IQSEC1: variants seen among roughly 807,000 people sequenced by gnomAD.
The protein encoded by IQSEC1 is IQ motif and SEC7 domain-containing protein 1.
IQSEC1 carries 31 observed loss-of-function variants against 91.0 expected under a neutral mutation model. The ratio of observed to expected loss-of-function variants is 0.34; its 90% CI spans 0.26 to 0.46. IQSEC1 has a LOEUF of 0.46. IQSEC1 is among the 20% of genes least tolerant of loss of function. The pLI is 1.00. For missense variants in IQSEC1, 1,388 were observed against 1,575.6 expected, an observed-to-expected ratio of 0.88 and a Z score of 2.02; for synonymous variants, 699 against 662.6, an observed-to-expected ratio of 1.05 and a Z score of -0.84.
intron 2 of IQSEC1, among the ~76,000 whole-genome samples, chr3:12,938,014 G>A (rs1186363954): frequency 1.3e-5 from 2 of 152,200 alleles, no homozygotes; most frequent in Non-Finnish European, 1.5e-5. Flanking sequence ...TGAGGCACCC[G>A]TGACCAAGGA....
At chr3:12,916,897 A>G (rs1161547353) in intron 6 of IQSEC1, among the ~76,000 whole-genome samples, 1 of 152,186 alleles carries the variant, frequency 6.6e-6, no homozygotes, top group Non-Finnish European at 1.5e-5. Flanking sequence ...AGCAAGGTGC[A>G]AAGTAGCAGG....
At chr3:13,203,816 T>A (rs1254421052) in intron 1 of IQSEC1, among the ~76,000 whole-genome samples, 2 of 152,324 alleles carry the variant, frequency 1.3e-5, no homozygotes, top group East Asian at 3.9e-4. Context: ...CTTCCCTCCC[T>A]GCTTCCTCTC....
rs1341053514 is a variant in IQSEC1, at chr3:12,908,301, G to A, written c.2755+48C>T. ...CCCTGAATGCAGACGCCCTGCCTCGGTCTTGCATGCGCTGGGCTAGCAAGG... is the reference window on the plus strand; with the variant it reads ...CCCTGAATGCAGACGCCCTGCCTCGATCTTGCATGCGCTGGGCTAGCAAGG... On this transcript the variant is annotated intron_variant, in intron 12 of 13. Coordinates refer to ENST00000613206, the MANE Select transcript of IQSEC1 (RefSeq NM_001134382.3). This position sits in a 1 kb window ranked among gnomAD's most constrained non-coding sequence, Gnocchi z 4.9. 6.3e-7 allele frequency: 1 copy of A among 1,592,268 alleles called. No homozygotes were observed. The highest frequency in any genetic ancestry group is 1.1e-5 in the South Asian group (1 of 90,204).
chr3:13,267,718 C>G (rs1047989604), intron 1 of IQSEC1, among the ~76,000 whole-genome samples: 1 of 151,668 alleles, frequency 6.6e-6, no homozygotes, highest in South Asian at 2.1e-4. Context: ...CCCGGGTTCA[C>G]GCCATTCTCC....
chr3:13,131,428 A>G (rs1706617730), intron 2 of IQSEC1, among the ~76,000 whole-genome samples: 1 of 149,826 alleles, frequency 6.7e-6, no homozygotes, highest in Admixed American at 6.6e-5. Context: ...ATAGGGGTAG[A>G]CAATTTGTAC....
intron 8 of IQSEC1, among the ~76,000 whole-genome samples, chr3:12,914,805 C>T (rs1210872291): frequency 6.6e-6 from 1 of 151,944 alleles, no homozygotes; most frequent in Non-Finnish European, 1.5e-5. Context: ...GGCCAGGTAG[C>T]GGACAGGGCA....
chr3:13,134,151 G>A (rs952649887), intron 2 of IQSEC1, among the ~76,000 whole-genome samples: 7 of 152,244 alleles, frequency 4.6e-5, no homozygotes, highest in African/African-American at 1.2e-4. Flanking sequence ...TTAGAGAGAC[G>A]TGGGATGGAG....
At position 13,038,572 on chromosome 3, in the gene IQSEC1, AAGACTTACTATTTGAT is replaced by A. The variant is rs1332700899; in HGVS notation, c.23+34404_23+34419del. 1.2e-4 allele frequency among the ~76,000 whole-genome samples: 19 copies of A among 152,266 alleles called. No individual in the cohort carries two copies. In the East Asian group the frequency reaches 3.5e-3, roughly 28 times the overall value. On this transcript the variant is annotated intron_variant, in intron 1 of 13. Coordinates refer to ENST00000613206, the MANE Select transcript of IQSEC1 (RefSeq NM_001134382.3). ...AAATAGAAGGAATGAGTAAGTGAAT[AAGACTTACTATTTGAT>A]AGCACAATAGGGTGACTATAGCCAA...
At chr3:12,960,039 A>C (rs1382764760) in intron 1 of IQSEC1, among the ~76,000 whole-genome samples, 1 of 152,156 alleles carries the variant, frequency 6.6e-6, no homozygotes, top group Non-Finnish European at 1.5e-5. Context: ...CAGAGGAAAG[A>C]GCTGCTTCCC....
At chr3:13,158,854 C>T (rs567027368) in intron 2 of IQSEC1, among the ~76,000 whole-genome samples, 2 of 152,090 alleles carry the variant, frequency 1.3e-5, no homozygotes, top group African/African-American at 4.8e-5. Flanking sequence ...CCCAGCCACT[C>T]AGGAGGCTGA....
chr3:13,016,943 T>C (rs1703161161), intron 1 of IQSEC1, among the ~76,000 whole-genome samples: 1 of 152,232 alleles, frequency 6.6e-6, no homozygotes, highest in African/African-American at 2.4e-5. Context: ...TAGATTTGCC[T>C]GTTCTGGACA....
intron 1 of IQSEC1, among the ~76,000 whole-genome samples, chr3:13,277,365 G>T (rs497323): frequency 1.3e-5 from 2 of 151,904 alleles, no homozygotes; most frequent in Non-Finnish European, 2.9e-5. Flanking sequence ...AAAACCAAAC[G>T]TCGGAAACAA....
intron 1 of IQSEC1, among the ~76,000 whole-genome samples, chr3:12,953,369 C>T (rs1699689116): frequency 6.6e-6 from 1 of 152,276 alleles, no homozygotes; most frequent in Non-Finnish European, 1.5e-5. Flanking sequence ...GCCTCACTGA[C>T]ATGCCCCCGC....
intron 2 of IQSEC1, among the ~76,000 whole-genome samples, chr3:13,079,718 T>C (rs899382575): frequency 6.6e-6 from 1 of 152,232 alleles, no homozygotes; most frequent in Non-Finnish European, 1.5e-5. Flanking sequence ...GCCGCCCATA[T>C]GTCCATTTTA....
chr3:13,195,851 G>T (rs1694114888), intron 1 of IQSEC1, among the ~76,000 whole-genome samples: 1 of 152,160 alleles, frequency 6.6e-6, no homozygotes, highest in African/African-American at 2.4e-5. Flanking sequence ...TGGATAAGAT[G>T]GGGGGATGGT....
intron 1 of IQSEC1, among the ~76,000 whole-genome samples, chr3:12,950,952 A>T (rs570935845): frequency 4.3e-4 from 65 of 152,194 alleles, no homozygotes; most frequent in Admixed American, 2.9e-3. Flanking sequence ...GGCCAAAAAA[A>T]TTTTTTAAAT....
chr3:13,126,360 C>A (rs1439856929), intron 2 of IQSEC1, among the ~76,000 whole-genome samples: 2 of 152,236 alleles, frequency 1.3e-5, no homozygotes, highest in Non-Finnish European at 2.9e-5. Flanking sequence ...AAGTTCATTT[C>A]TTTCTCTTGC....
chr3:13,127,482 T>C (rs756336117), intron 2 of IQSEC1, among the ~76,000 whole-genome samples: 1 of 152,184 alleles, frequency 6.6e-6, no homozygotes, highest in Non-Finnish European at 1.5e-5. Context: ...CATTGATTCA[T>C]GTATCTGTCC....
At chr3:13,075,594 T>C (rs183457130), upstream of IQSEC1, among the ~76,000 whole-genome samples, 1 of 152,344 alleles carries the variant, frequency 6.6e-6, no homozygotes, top group African/African-American at 2.4e-5. Flanking sequence ...CAGCACTTCT[T>C]CTTATAAACG....
Sources: gnomAD v4.1 joint callset for allele counts (sites outside exome capture counted in the v4.1 genomes callset) on GRCh38, gnomAD v4.1.1 for gene constraint, Gnocchi (gnomAD v3.1) non-coding constraint, MANE v1.5 for transcripts, NCBI Gene and HGNC (gene_info 2026-07-23, HGNC 2026-07-21) for gene names.